PRKCE: variants seen among roughly 807,000 people sequenced by gnomAD.
PRKCE encodes protein kinase C epsilon type.
Under a neutral mutation model 85.4 loss-of-function variants are expected in PRKCE, and 16 were observed. That is an observed-to-expected ratio of 0.19 (90% confidence interval 0.13 to 0.28). The LOEUF (loss-of-function observed/expected upper bound fraction) is 0.28. Ranked by LOEUF, PRKCE falls within the 10% of genes least tolerant of loss-of-function variation. The probability of loss-of-function intolerance (pLI) is 1.00; values close to 1 mark genes in which losing one functional copy is unlikely to be tolerated. For missense variants in PRKCE, 573 were observed against 975.2 expected (o/e 0.59, Z 5.49); for synonymous variants, 388 against 371.5 (o/e 1.04, Z -0.51).
At chr2:45,681,264 G>C (rs1049402406) in intron 1 of PRKCE, among the ~76,000 whole-genome samples, 4 of 117,108 alleles carry the variant, frequency 3.4e-5, no homozygotes, top group African/African-American at 1.4e-4. Flanking sequence ...ACTCCAGCCT[G>C]GGAGACAGAG....
At chr2:45,775,127 T>C (rs763437073) in intron 1 of PRKCE, among the ~76,000 whole-genome samples, 6 of 152,184 alleles carry the variant, frequency 3.9e-5, no homozygotes, top group Non-Finnish European at 7.3e-5. Flanking sequence ...GCAGGCACTT[T>C]ACGTAATTGC....
intron 2 of PRKCE, among the ~76,000 whole-genome samples, chr2:45,956,240 G>A (rs559393981): frequency 6.6e-6 from 1 of 152,306 alleles, no homozygotes; most frequent in African/African-American, 2.4e-5. Context: ...TGTTTGGATT[G>A]CGTCTAGTTT....
chr2:45,775,440 C>T (rs923792739), intron 1 of PRKCE, among the ~76,000 whole-genome samples: 1 of 152,228 alleles, frequency 6.6e-6, no homozygotes, highest in Non-Finnish European at 1.5e-5. Flanking sequence ...CTTATTCATA[C>T]TGCCTTTGAA....
chr2:45,680,937 GT>G (rs1676838222), intron 1 of PRKCE, among the ~76,000 whole-genome samples: 1 of 152,148 alleles, frequency 6.6e-6, no homozygotes. Flanking sequence ...TGTGTTAGAG[GT>G]TAGAGATTTA....
intron 10 of PRKCE, among the ~76,000 whole-genome samples, chr2:46,018,324 G>A (rs1415425540): frequency 6.6e-6 from 1 of 152,148 alleles, no homozygotes; most frequent in Non-Finnish European, 1.5e-5. Context: ...GAGGAACACA[G>A]GTGTGGGGAA....
At chr2:45,971,405 G>GT (rs1473776491) in intron 2 of PRKCE, among the ~76,000 whole-genome samples, 2 of 151,754 alleles carry the variant, frequency 1.3e-5, no homozygotes, top group African/African-American at 4.8e-5. Context: ...TCTTTTTTTC[G>GT]TTTTTTAGAA....
intron 13 of PRKCE, among the ~76,000 whole-genome samples, chr2:46,158,636 G>A (rs1677449861): frequency 6.6e-6 from 1 of 152,206 alleles, no homozygotes; most frequent in African/African-American, 2.4e-5. Flanking sequence ...TACCAAAGAT[G>A]TATTCCTTTG....
intron 1 of PRKCE, among the ~76,000 whole-genome samples, chr2:45,751,662 A>G (rs1683568948): frequency 6.6e-6 from 1 of 152,136 alleles, no homozygotes; most frequent in South Asian, 2.1e-4. Context: ...TACATACCCA[A>G]TAGATGTCAG....
chr2:45,758,079 G>C (rs1475529959), intron 1 of PRKCE, among the ~76,000 whole-genome samples: 1 of 152,206 alleles, frequency 6.6e-6, no homozygotes, highest in Non-Finnish European at 1.5e-5. Flanking sequence ...TACAGAGAAG[G>C]CTGAGGGTGC....
intron 10 of PRKCE, among the ~76,000 whole-genome samples, chr2:46,015,353 T>G (rs917016458): frequency 6.6e-6 from 1 of 152,136 alleles, no homozygotes; most frequent in Non-Finnish European, 1.5e-5. Context: ...TCTTGAATAA[T>G]TTCATGATTT....
intron 14 of PRKCE, among the ~76,000 whole-genome samples, chr2:46,175,101 A>C (rs1679298811): frequency 6.6e-6 from 1 of 152,180 alleles, no homozygotes; most frequent in Non-Finnish European, 1.5e-5. Context: ...TTATTCCAGA[A>C]AGTTTAAAGA....
intron 2 of PRKCE, among the ~76,000 whole-genome samples, chr2:45,892,931 G>C (rs1005317109): frequency 2.6e-5 from 4 of 152,176 alleles, no homozygotes; most frequent in Non-Finnish European, 5.9e-5. Flanking sequence ...GACTTCTCAA[G>C]GGCAGCATCT....
At chr2:45,759,539 G>T (rs892971277) in intron 1 of PRKCE, among the ~76,000 whole-genome samples, 1 of 152,226 alleles carries the variant, frequency 6.6e-6, no homozygotes, top group Non-Finnish European at 1.5e-5. Context: ...CAAGGGCTGC[G>T]GTGGCTGGGA....
At chr2:46,182,371 C>T (rs1011447051) in intron 14 of PRKCE, among the ~76,000 whole-genome samples, 25 of 152,214 alleles carry the variant, frequency 1.6e-4, no homozygotes, top group African/African-American at 6.0e-4. Context: ...TTGTTTCCCT[C>T]TCAAGCAGGG....
At chr2:46,161,821 C>A (rs1017801289) in intron 14 of PRKCE, among the ~76,000 whole-genome samples, 1 of 152,114 alleles carries the variant, frequency 6.6e-6, no homozygotes, top group Non-Finnish European at 1.5e-5. Context: ...AAAGCCCTTC[C>A]CTTCACAGGA....
At chr2:45,775,657 C>T (rs1685690414) in intron 1 of PRKCE, among the ~76,000 whole-genome samples, 1 of 152,210 alleles carries the variant, frequency 6.6e-6, no homozygotes, top group African/African-American at 2.4e-5. Context: ...CCTTCTCCTA[C>T]CAGGGAACTT....
At chr2:46,115,741 C>T (rs1489460032) in intron 11 of PRKCE, among the ~76,000 whole-genome samples, 1 of 152,152 alleles carries the variant, frequency 6.6e-6, no homozygotes, top group East Asian at 1.9e-4. Context: ...TATAATTAAG[C>T]CAGCTTGGAA....
At chr2:45,653,154 T>C (rs1476025088) in intron 1 of PRKCE, among the ~76,000 whole-genome samples, 1 of 152,204 alleles carries the variant, frequency 6.6e-6, no homozygotes, top group Non-Finnish European at 1.5e-5. Flanking sequence ...TTTAAAGTTA[T>C]ATTGTTTCTC....
At chr2:45,992,003 C>T (rs945410938) in intron 6 of PRKCE, among the ~76,000 whole-genome samples, 3 of 152,120 alleles carry the variant, frequency 2.0e-5, no homozygotes, top group Non-Finnish European at 4.4e-5. Flanking sequence ...TGCAAGGCGT[C>T]GTGGTGAACC....
Sources: gnomAD v4.1 joint callset for allele counts (sites outside exome capture counted in the v4.1 genomes callset) on GRCh38, gnomAD v4.1.1 for gene constraint, MANE v1.5 for transcripts, NCBI Gene and HGNC (gene_info 2026-07-23, HGNC 2026-07-21) for gene names.